The following CALCR variants were observed in gnomAD, a reference collection of about 807,000 sequenced individuals.
CALCR encodes calcitonin receptor.
CALCR carries 47 observed loss-of-function variants against 59.5 expected under a neutral mutation model. The ratio of observed to expected loss-of-function variants is 0.79; its 90% CI spans 0.63 to 1.01. CALCR has a LOEUF of 1.01. CALCR is among the 50% of genes least tolerant of loss of function. The pLI, the probability that CALCR is intolerant of heterozygous loss-of-function variation, is 0.00. For synonymous variants in CALCR, 213 were observed against 211.3 expected, an observed-to-expected ratio of 1.01 and a Z score of -0.07; for missense variants, 566 against 597.1, an observed-to-expected ratio of 0.95 and a Z score of 0.54.
intron 5 of CALCR, among the ~76,000 whole-genome samples, chr7:93,475,423 T>A (rs545886834): frequency 3.6e-4 from 54 of 151,852 alleles, no homozygotes; most frequent in African/African-American, 1.2e-3. Context: ...GCACAAAAAA[T>A]TGATGTTGAA....
intron 3 of CALCR, among the ~76,000 whole-genome samples, chr7:93,479,763 T>C (rs551157882): frequency 6.6e-6 from 1 of 151,984 alleles, no homozygotes; most frequent in East Asian, 2.0e-4. Flanking sequence ...CACACTCATA[T>C]ACCTCTTTAT....
At chr7:93,477,293 T>C (rs2115877845) in intron 5 of CALCR, among the ~76,000 whole-genome samples, 1 of 151,948 alleles carries the variant, frequency 6.6e-6, no homozygotes, top group East Asian at 2.0e-4. Context: ...TAAATAAAAC[T>C]ATTCACAGAG....
chr7:93,546,089 A>G (rs1212785960), intron 2 of CALCR, among the ~76,000 whole-genome samples: 1 of 152,160 alleles, frequency 6.6e-6, no homozygotes, highest in Non-Finnish European at 1.5e-5. Flanking sequence ...CCATAATCCC[A>G]TAGGCAATAT....
chr7:93,531,726 A>G (rs974258465), intron 2 of CALCR, among the ~76,000 whole-genome samples: 3 of 152,066 alleles, frequency 2.0e-5, no homozygotes, highest in African/African-American at 7.2e-5. Context: ...TGTGAACGCT[A>G]CTTGTAATGG....
chr7:93,544,699 A>G (rs562406542), intron 2 of CALCR, among the ~76,000 whole-genome samples: 48 of 152,246 alleles, frequency 3.2e-4, no homozygotes, highest in Middle Eastern at 6.8e-3. Flanking sequence ...AGGTCTTTTA[A>G]TTGGAAGTTG....
At chr7:93,546,582 T>C (rs1459182490) in intron 2 of CALCR, among the ~76,000 whole-genome samples, 2 of 151,684 alleles carry the variant, frequency 1.3e-5, no homozygotes, top group East Asian at 3.9e-4. Context: ...TTTTCTTTTT[T>C]TTTTTTTTAG....
At chr7:93,502,779 T>C (rs1801346728) in intron 2 of CALCR, among the ~76,000 whole-genome samples, 3 of 152,116 alleles carry the variant, frequency 2.0e-5, no homozygotes, top group African/African-American at 7.2e-5. Context: ...AAAAATTGTG[T>C]ACTAGAATAT....
At chr7:93,438,301 G>A in intron 9 of CALCR, 31 bp from the exon 10 acceptor site, 2 of 1,562,162 alleles carry the variant, frequency 1.3e-6, no homozygotes, top group South Asian at 2.2e-5. Flanking sequence ...AATCACACTT[G>A]GTTTCTTGGT....
At chr7:93,571,578 GT>G (rs1166926788) in intron 2 of CALCR, among the ~76,000 whole-genome samples, 1 of 151,872 alleles carries the variant, frequency 6.6e-6, no homozygotes, top group Non-Finnish European at 1.5e-5. Flanking sequence ...AAGCAGAGCT[GT>G]GCCAGAATTT....
chr7:93,445,894 T>C (rs1235227639), intron 8 of CALCR, among the ~76,000 whole-genome samples: 1 of 151,948 alleles, frequency 6.6e-6, no homozygotes, highest in Non-Finnish European at 1.5e-5. Flanking sequence ...AATTTACAAA[T>C]TCATAAAAAT....
intron 2 of CALCR, among the ~76,000 whole-genome samples, chr7:93,548,065 T>C (rs1789340832): frequency 6.6e-6 from 1 of 152,186 alleles, no homozygotes; most frequent in South Asian, 2.1e-4. Context: ...ATATAAGTAG[T>C]TTTGAGTGTC....
intron 5 of CALCR, among the ~76,000 whole-genome samples, chr7:93,473,786 T>C (rs550491768): frequency 2.4e-4 from 37 of 151,856 alleles, no homozygotes; most frequent in Non-Finnish European, 5.2e-4. Flanking sequence ...TTCCAAGTGC[T>C]TGCTTTGTGG....
chr7:93,509,352 T>G (rs982995251), intron 2 of CALCR, among the ~76,000 whole-genome samples: 2 of 152,080 alleles, frequency 1.3e-5, no homozygotes, highest in Admixed American at 1.3e-4. Context: ...AAATATATTA[T>G]CTGGAAAGGA....
Position 93,443,681 on chromosome 7 carries a change from A to T in CALCR, c.725T>A (p.Ile242Asn). 1 of 1,612,908 alleles carries T rather than the reference A, an allele frequency of 6.2e-7. No homozygotes were observed. The highest frequency in any genetic ancestry group is 8.5e-7 in the Non-Finnish European group (1 of 1,178,976). ...CACGACAATGAGTGTATGAAGATAG[A>T]TCCCTTCACAGAGCATCCAGAAATA... ...CNYFWMLCEG[I>N]YLHTLIVVAV... The change falls in exon 9 of 14, where the codon ATC becomes AAC. Residue 242 changes from isoleucine to asparagine, a missense_variant. By Grantham distance (149) the Ile-to-Asn change is moderately radical. Coordinates refer to ENST00000426151, the MANE Select transcript of CALCR (RefSeq NM_001742.4).
At chr7:93,561,099 T>C (rs1789736611) in intron 2 of CALCR, among the ~76,000 whole-genome samples, 2 of 152,134 alleles carry the variant, frequency 1.3e-5, no homozygotes, top group African/African-American at 4.8e-5. Flanking sequence ...ATAATACAAA[T>C]AAGAAGTATA....
chr7:93,434,796 G>A (rs889590837), intron 12 of CALCR, among the ~76,000 whole-genome samples: 1 of 152,130 alleles, frequency 6.6e-6, no homozygotes, highest in South Asian at 2.1e-4. Flanking sequence ...CTGAGTCCTG[G>A]TCACTGCTTG....
Position 93,440,609 on chromosome 7 carries a change from T to A in CALCR, c.803-2339A>T, listed in dbSNP as rs533889515. 9.8e-4 allele frequency among the ~76,000 whole-genome samples: 149 copies of A among 152,098 alleles called. 1 individual carries two copies. The highest frequency in any genetic ancestry group is 1.6e-3 in the Non-Finnish European group (111 of 67,964). On this transcript the variant is annotated intron_variant, in intron 9 of 13. Coordinates refer to ENST00000426151, the MANE Select transcript of CALCR (RefSeq NM_001742.4). Reference sequence around the variant, plus strand: ...GCTTTGGCATGCTAAAAACATTACATTTTAGAACTATTTGGTTGACTATCT... The same window carrying A: ...GCTTTGGCATGCTAAAAACATTACAATTTAGAACTATTTGGTTGACTATCT...
chr7:93,547,392 T>C lies in CALCR; in HGVS notation c.-27+26897A>G, dbSNP rs747706323. Among the ~76,000 whole-genome samples, 61 of 152,332 alleles carry C rather than the reference T, an allele frequency of 4.0e-4. 1 individual carries two copies. Among genetic ancestry groups the C allele is most frequent in the Admixed American group, 2.5e-3 (38 of 15,294 alleles). On this transcript the variant is annotated intron_variant, in intron 2 of 13. Coordinates refer to ENST00000426151, the MANE Select transcript of CALCR (RefSeq NM_001742.4). Reference sequence around the variant, plus strand: ...GAAATTGCATTGCAAGTGTCAGTTATTATCATGCTAACAAATTTACTTTTT... The same window carrying C: ...GAAATTGCATTGCAAGTGTCAGTTACTATCATGCTAACAAATTTACTTTTT...
chr7:93,568,523 C>CAT (rs1789921393), intron 2 of CALCR, among the ~76,000 whole-genome samples: 1 of 120,408 alleles, frequency 8.3e-6, no homozygotes, highest in Admixed American at 8.1e-5. Context: ...CTCTCTCTCT[C>CAT]TCTCTCTCTC....
Sources: gnomAD v4.1 joint callset for allele counts (sites outside exome capture counted in the v4.1 genomes callset) on GRCh38, gnomAD v4.1.1 for gene constraint, MANE v1.5 for transcripts, NCBI Gene and HGNC (gene_info 2026-07-23, HGNC 2026-07-21) for gene names.